Variants in TMEM131L observed in about 807,000 individuals in gnomAD.
TMEM131L encodes transmembrane protein 131-like.
TMEM131L carries 54 observed loss-of-function variants against 192.2 expected under a neutral mutation model. The observed-to-expected ratio is 0.28, with a 90% CI of 0.23 to 0.35. The LOEUF (loss-of-function observed/expected upper bound fraction) is 0.35. Ranked by LOEUF, TMEM131L falls within the 10% of genes least tolerant of loss-of-function variation. TMEM131L has a pLI of 1.00. For synonymous variants in TMEM131L, 701 were observed against 704.9 expected, an observed-to-expected ratio of 0.99 and a Z score of 0.09; for missense variants, 1,888 against 1,972.9, an observed-to-expected ratio of 0.96 and a Z score of 0.82.
intron 25 of TMEM131L, among the ~76,000 whole-genome samples, chr4:153,605,087 A>G (rs1457399078): frequency 1.3e-5 from 2 of 152,218 alleles, no homozygotes; most frequent in East Asian, 3.8e-4. Flanking sequence ...ACAAAACTTC[A>G]GCTATTTTAT....
At chr4:153,632,344 A>G (rs1734269747) in intron 31 of TMEM131L, 1 of 142,630 alleles carries the variant, frequency 7.0e-6, no homozygotes, top group Admixed American at 7.5e-5. Flanking sequence ...TGTATTTGCC[A>G]TCATGGCACG....
At chr4:153,593,018 T>C (rs1040759083) in intron 18 of TMEM131L, among the ~76,000 whole-genome samples, 2 of 152,218 alleles carry the variant, frequency 1.3e-5, no homozygotes, top group South Asian at 2.1e-4. Flanking sequence ...TCAAGTCCTT[T>C]AAAACCATTG....
At chr4:153,515,273 G>C (rs1300692810) in intron 3 of TMEM131L, among the ~76,000 whole-genome samples, 2 of 152,130 alleles carry the variant, frequency 1.3e-5, no homozygotes, top group Non-Finnish European at 2.9e-5. Context: ...CCATTCCCCT[G>C]ACAACCTCTA....
intron 3 of TMEM131L, among the ~76,000 whole-genome samples, chr4:153,488,314 A>G (rs1561123982): frequency 6.6e-6 from 1 of 152,192 alleles, no homozygotes; most frequent in South Asian, 2.1e-4. Flanking sequence ...ATTCTGTGAG[A>G]AACTGGGGTG....
rs199957429 is a variant in TMEM131L at position 153,602,733 on chromosome 4, C to G, written c.2639+6C>G. On this transcript the variant is annotated splice_donor_region_variant and intron_variant, in intron 23 of 34. Transcript: ENST00000409959. Reference sequence around the variant, plus strand: ...CTCACGGTCTTCTTTGTCAGGTAAACCACTACTGTCTCCCTTGTTCTCTCA... The same window carrying G: ...CTCACGGTCTTCTTTGTCAGGTAAAGCACTACTGTCTCCCTTGTTCTCTCA... 6.2e-7 allele frequency: 1 copy of G among 1,613,462 alleles called. No individual in the cohort carries two copies. Among genetic ancestry groups the G allele is most frequent in the Non-Finnish European group, 8.5e-7 (1 of 1,179,564 alleles).
intron 3 of TMEM131L, among the ~76,000 whole-genome samples, chr4:153,528,600 GT>G (rs147015164): frequency 0.011 from 1,707 of 152,274 alleles, 34 homozygotes; most frequent in African/African-American, 0.039. Flanking sequence ...TCTTTTTAAT[GT>G]TTTTCCTACT....
At chr4:153,580,536 A>G (rs2150727086) in intron 7 of TMEM131L, among the ~76,000 whole-genome samples, 1 of 152,294 alleles carries the variant, frequency 6.6e-6, no homozygotes, top group Non-Finnish European at 1.5e-5. Flanking sequence ...TATATTTAGA[A>G]CATATTCACC....
At position 153,583,593 on chromosome 4, in the gene TMEM131L, T is replaced by C. The variant is rs779365116; in HGVS notation, c.981T>C (p.Ala327=). The change falls in exon 11 of 35, where the codon GCT becomes GCC. Residue 327 remains alanine (A), a synonymous_variant. Transcript: ENST00000409959. ...QDIRHFSQRD[A]LSLQFEPVLL... ...TACGCCATTTCTCACAGAGAGATGC[T>C]CTGTCTCTGCAGTTTGAACCAGTAC... 1.5e-5 allele frequency: 24 copies of C among 1,611,988 alleles called. No individual in the cohort carries two copies. In the Admixed American group the frequency reaches 1.8e-4, roughly 12 times the overall value.
chr4:153,492,064 T>C (rs1161529596), intron 3 of TMEM131L, among the ~76,000 whole-genome samples: 1 of 151,980 alleles, frequency 6.6e-6, no homozygotes, highest in Non-Finnish European at 1.5e-5. Context: ...GTAGGTAGCA[T>C]GATCATAGCT....
intron 3 of TMEM131L, among the ~76,000 whole-genome samples, chr4:153,542,547 C>T (rs189300069): frequency 6.6e-5 from 10 of 152,154 alleles, no homozygotes; most frequent in East Asian, 5.8e-4. Flanking sequence ...TCTTTGTGTG[C>T]GAAAGTGCAA....
intron 3 of TMEM131L, among the ~76,000 whole-genome samples, chr4:153,483,442 C>A (rs1324695626): frequency 4.7e-5 from 7 of 148,986 alleles, no homozygotes; most frequent in Admixed American, 3.3e-4. Context: ...TGGCTCATGC[C>A]TCTAGCACTT....
chr4:153,567,081 G>T (rs1352283419), intron 7 of TMEM131L, among the ~76,000 whole-genome samples: 1 of 152,196 alleles, frequency 6.6e-6, no homozygotes, highest in South Asian at 2.1e-4. Flanking sequence ...GTCAATTAAC[G>T]TGGCAATCTA....
intron 3 of TMEM131L, among the ~76,000 whole-genome samples, chr4:153,541,485 C>T (rs1028374090): frequency 2.0e-5 from 3 of 152,046 alleles, no homozygotes; most frequent in South Asian, 2.1e-4. Context: ...CACTCACTGG[C>T]GTGGGAATAT....
intron 10 of TMEM131L, 140 bp downstream of exon 10, chr4:153,583,388 G>C (rs962684853): frequency 5.3e-6 from 4 of 754,204 alleles, no homozygotes; most frequent in Non-Finnish European, 9.4e-6. Flanking sequence ...ATTTGCCCTT[G>C]CTTGAACCTC....
chr4:153,555,208 T>A lies in TMEM131L; in HGVS notation c.309-579T>A, dbSNP rs1471611739. Among the ~76,000 whole-genome samples the A allele has an allele frequency of 6.6e-6, 1 of 152,200 alleles. No homozygotes were observed. Among genetic ancestry groups the A allele is most frequent in the Admixed American group, 6.5e-5 (1 of 15,278 alleles). On this transcript the variant is annotated intron_variant, in intron 4 of 34. Coordinates refer to ENST00000409959, the MANE Select transcript of TMEM131L (RefSeq NM_001131007.2). The surrounding 1 kb of genome is among the most constrained non-coding windows in gnomAD (Gnocchi z 4.1). ...TTTAGCCATAATTAAGTTTTCCTTT[T>A]CTAAGACCTAATAAAATAACATCTC... is the stretch of plus-strand genomic sequence containing the variant.
intron 3 of TMEM131L, among the ~76,000 whole-genome samples, chr4:153,507,359 G>A (rs991064369): frequency 3.3e-5 from 5 of 152,184 alleles, no homozygotes; most frequent in African/African-American, 1.2e-4. Flanking sequence ...AGGCAGTGGG[G>A]TCCTTGAAGT....
At chr4:153,548,510 A>G (rs1737365575) in intron 3 of TMEM131L, among the ~76,000 whole-genome samples, 1 of 152,114 alleles carries the variant, frequency 6.6e-6, no homozygotes, top group Non-Finnish European at 1.5e-5. Context: ...TCACTGTGTT[A>G]GCCAGGATAG....
At chr4:153,479,706 G>C (rs1422328783) in intron 3 of TMEM131L, among the ~76,000 whole-genome samples, 1 of 152,118 alleles carries the variant, frequency 6.6e-6, no homozygotes, top group Non-Finnish European at 1.5e-5. Context: ...AGCAAAATGT[G>C]TTCTCCTGAA....
intron 31 of TMEM131L, 192 bp from the exon 32 acceptor site, chr4:153,632,526 C>G (rs1734282313): frequency 1.2e-5 from 7 of 599,560 alleles, no homozygotes; most frequent in Non-Finnish European, 1.7e-5. Context: ...CAATCGGACA[C>G]TGTCTGAAGA....
Sources: allele counts gnomAD v4.1 joint callset (sites outside exome capture counted in the v4.1 genomes callset), GRCh38; gene constraint gnomAD v4.1.1; non-coding constraint Gnocchi (gnomAD v3.1); transcripts MANE v1.5; gene names NCBI Gene and HGNC (gene_info 2026-07-23, HGNC 2026-07-21).